PTPRT: variants seen among roughly 807,000 people sequenced by gnomAD.
PTPRT encodes the protein protein tyrosine phosphatase receptor type T.
PTPRT carries 56 observed loss-of-function variants against 176.8 expected under a neutral mutation model. The ratio of observed to expected loss-of-function variants is 0.32; its 90% CI spans 0.26 to 0.40. The LOEUF (loss-of-function observed/expected upper bound fraction) is 0.40, where lower values mean the gene tolerates loss of function less well. Ranked by LOEUF, PTPRT falls within the 10% of genes least tolerant of loss-of-function variation. PTPRT has a pLI of 1.00. For missense variants in PTPRT, 1,540 were observed against 1,908.2 expected, an observed-to-expected ratio of 0.81 and a Z score of 3.60; for synonymous variants, 783 against 739.0, an observed-to-expected ratio of 1.06 and a Z score of -0.96.
chr20:42,797,914 T>A (rs964540114), intron 2 of PTPRT, among the ~76,000 whole-genome samples: 1 of 152,152 alleles, frequency 6.6e-6, no homozygotes, highest in Non-Finnish European at 1.5e-5. Flanking sequence ...AACTCTACCC[T>A]AGAGCCTCCA....
chr20:42,196,206 T>C (rs1991211860), intron 16 of PTPRT, among the ~76,000 whole-genome samples: 1 of 152,310 alleles, frequency 6.6e-6, no homozygotes, highest in East Asian at 1.9e-4. Flanking sequence ...TGAATTGGTA[T>C]TACTTGACCA....
chr20:42,910,795 A>G (rs1182842718), intron 1 of PTPRT, among the ~76,000 whole-genome samples: 2 of 152,194 alleles, frequency 1.3e-5, no homozygotes, highest in Admixed American at 6.5e-5. Flanking sequence ...CTGTTTTTAT[A>G]CTGCTATAAA....
chr20:42,962,822 C>T (rs1320338579), intron 1 of PTPRT, among the ~76,000 whole-genome samples: 1 of 152,158 alleles, frequency 6.6e-6, no homozygotes, highest in Non-Finnish European at 1.5e-5. Flanking sequence ...ACTCCCAACA[C>T]TTTGGGAGGC....
At chr20:42,647,733 C>G (rs1569053048) in intron 7 of PTPRT, among the ~76,000 whole-genome samples, 1 of 152,136 alleles carries the variant, frequency 6.6e-6, no homozygotes, top group African/African-American at 2.4e-5. Flanking sequence ...CTTCAGAAAC[C>G]CGCTAACAGG....
intron 9 of PTPRT, among the ~76,000 whole-genome samples, chr20:42,442,297 G>T (rs911706544): frequency 1.3e-5 from 2 of 152,130 alleles, no homozygotes; most frequent in Non-Finnish European, 2.9e-5. Context: ...GATTCCTGGG[G>T]CCCGTGCTTT....
intron 6 of PTPRT, among the ~76,000 whole-genome samples, chr20:42,726,400 G>T (rs1025005713): frequency 2.6e-5 from 4 of 152,132 alleles, no homozygotes; most frequent in East Asian, 1.9e-4. Context: ...ATCTTTAAGG[G>T]GTCCATTATT....
chr20:42,352,363 C>T (rs6030161), intron 9 of PTPRT, 78 bp from the exon 10 acceptor site: 4 of 1,438,558 alleles, frequency 2.8e-6, no homozygotes, highest in Non-Finnish European at 3.9e-6. Context: ...TTAGAGGAAC[C>T]TTAGGGAGGC....
chr20:42,964,194 T>C (rs956944972), intron 1 of PTPRT, among the ~76,000 whole-genome samples: 3 of 152,192 alleles, frequency 2.0e-5, no homozygotes, highest in African/African-American at 7.2e-5. Context: ...CCTCAACTTC[T>C]CTAGCAAAAG....
chr20:42,448,185 T>A, intron 9 of PTPRT, 35 bp downstream of exon 9: 1 of 1,503,738 alleles, frequency 6.7e-7, no homozygotes, highest in South Asian at 1.1e-5. Flanking sequence ...TGAATAAAGC[T>A]AAGCCAATGG....
intron 1 of PTPRT, among the ~76,000 whole-genome samples, chr20:43,030,429 G>A (rs1006841335): frequency 1.3e-5 from 2 of 151,138 alleles, no homozygotes; most frequent in African/African-American, 4.9e-5. Flanking sequence ...TTAAGAAAAA[G>A]ATCAGGGGTT....
chr20:42,805,489 C>T (rs1359628869), intron 2 of PTPRT, among the ~76,000 whole-genome samples: 1 of 152,142 alleles, frequency 6.6e-6, no homozygotes, highest in Non-Finnish European at 1.5e-5. Context: ...GTGCCTGCTC[C>T]ACACCAGGCA....
chr20:42,622,066 A>G (rs909221460), intron 7 of PTPRT, among the ~76,000 whole-genome samples: 5 of 152,186 alleles, frequency 3.3e-5, no homozygotes, highest in African/African-American at 1.2e-4. Context: ...CCTACATCCT[A>G]AAGGACAGGG....
chr20:43,054,791 G>T (rs1357295181), intron 1 of PTPRT, among the ~76,000 whole-genome samples: 1 of 152,126 alleles, frequency 6.6e-6, no homozygotes, highest in East Asian at 1.9e-4. Flanking sequence ...TTTGCCTCCA[G>T]TGGGGGTGGG....
At chr20:42,275,607 CA>C (rs2057016215) in intron 13 of PTPRT, among the ~76,000 whole-genome samples, 1 of 151,976 alleles carries the variant, frequency 6.6e-6, no homozygotes, top group Admixed American at 6.6e-5. Context: ...GAAGTTTGAG[CA>C]CAACTAGAGA....
At chr20:42,554,122 C>A (rs1408911005) in intron 7 of PTPRT, among the ~76,000 whole-genome samples, 1 of 152,078 alleles carries the variant, frequency 6.6e-6, no homozygotes, top group South Asian at 2.1e-4. Context: ...AGAAAAGAGT[C>A]CGTAATTGCC....
chr20:43,075,420 A>C (rs1349184371), intron 1 of PTPRT, among the ~76,000 whole-genome samples: 2 of 152,246 alleles, frequency 1.3e-5, no homozygotes, highest in Non-Finnish European at 2.9e-5. Context: ...GCTGGATGGC[A>C]GTTGCTTTTC....
At chr20:42,780,679 G>A (rs1047233353) in intron 3 of PTPRT, among the ~76,000 whole-genome samples, 3 of 152,110 alleles carry the variant, frequency 2.0e-5, no homozygotes, top group African/African-American at 7.2e-5. Context: ...ACTTTCTTAT[G>A]AAGGATAAGA....
chr20:42,269,127 C>A (rs1289163960), intron 13 of PTPRT, among the ~76,000 whole-genome samples: 1 of 152,202 alleles, frequency 6.6e-6, no homozygotes, highest in Non-Finnish European at 1.5e-5. Context: ...TCTCCACATC[C>A]CCCCTTAGCT....
At chr20:42,556,960 A>G (rs140619384) in intron 7 of PTPRT, among the ~76,000 whole-genome samples, 51 of 152,246 alleles carry the variant, frequency 3.3e-4, no homozygotes, top group Middle Eastern at 3.4e-3. Context: ...GTCTAAGGGA[A>G]TAACAGTGAG....
Sources: allele counts gnomAD v4.1 joint callset (sites outside exome capture counted in the v4.1 genomes callset), GRCh38; gene constraint gnomAD v4.1.1; transcripts MANE v1.5; gene names NCBI Gene and HGNC (gene_info 2026-07-23, HGNC 2026-07-21).